Variants in RTN4RL1 observed in about 807,000 individuals in gnomAD.
The protein encoded by RTN4RL1 is reticulon-4 receptor-like 1.
In RTN4RL1, 7 loss-of-function variants were observed where a neutral mutation model predicts 25.6. The ratio of observed to expected loss-of-function variants is 0.27; its 90% CI spans 0.16 to 0.51. The LOEUF is 0.51. Among genes scored for constraint, RTN4RL1 ranks in the 20% least tolerant of loss-of-function variants. The pLI, the probability that RTN4RL1 is intolerant of heterozygous loss-of-function variation, is 0.97. For missense variants in RTN4RL1, 500 were observed against 615.6 expected (o/e 0.81, Z 1.99); for synonymous variants, 297 against 288.2 (o/e 1.03, Z -0.31).
intron 1 of RTN4RL1, among the ~76,000 whole-genome samples, chr17:2,009,025 G>A (rs970307751): frequency 6.6e-6 from 1 of 152,176 alleles, no homozygotes; most frequent in Non-Finnish European, 1.5e-5. Context: ...TTCAGGAAAT[G>A]ACTACAAGGC....
At chr17:2,004,689 A>C (rs2066981855) in intron 1 of RTN4RL1, among the ~76,000 whole-genome samples, 2 of 152,242 alleles carry the variant, frequency 1.3e-5, no homozygotes, top group Non-Finnish European at 2.9e-5. Flanking sequence ...GAGAGGGCAG[A>C]GGGTTCAGGA....
chr17:1,991,247 T>C (rs1479015544), intron 1 of RTN4RL1, among the ~76,000 whole-genome samples: 1 of 151,854 alleles, frequency 6.6e-6, no homozygotes, highest in Non-Finnish European at 1.5e-5. Context: ...GAGGCGGTAA[T>C]GGATGCCCCG....
chr17:1,973,118 T>G (rs1173499304), intron 1 of RTN4RL1, among the ~76,000 whole-genome samples: 1 of 152,110 alleles, frequency 6.6e-6, no homozygotes, highest in Non-Finnish European at 1.5e-5. Context: ...ATCCCAGCAC[T>G]TTGGGACGCT....
chr17:2,024,906 A>T lies in RTN4RL1; in HGVS notation c.-41T>A. On this transcript the variant is annotated 5_prime_UTR_variant, in exon 1 of 2. Coordinates refer to ENST00000331238, the MANE Select transcript of RTN4RL1 (RefSeq NM_178568.4). ...GCCGCTCCGAGGTCGGCCTAGGCGCACTCCCTCCCGGGGTCCAGATTCAAA... is the reference window on the plus strand; with the variant it reads ...GCCGCTCCGAGGTCGGCCTAGGCGCTCTCCCTCCCGGGGTCCAGATTCAAA... 6.4e-7 allele frequency: 1 copy of T among 1,569,520 alleles called. No individual in the cohort carries two copies. Among genetic ancestry groups the T allele is most frequent in the Non-Finnish European group, 8.6e-7 (1 of 1,158,264 alleles).
At chr17:1,948,988 G>T (rs188179646) in intron 1 of RTN4RL1, among the ~76,000 whole-genome samples, 1 of 146,404 alleles carries the variant, frequency 6.8e-6, no homozygotes, top group Non-Finnish European at 1.5e-5. Context: ...ACGGAGTCTC[G>T]CTCTGTCGCC....
At position 1,936,264 on chromosome 17, in the gene RTN4RL1, C is replaced by T; in HGVS notation, c.*232G>A. Reference sequence around the variant, plus strand: ...AGAGTGGACACTGTCCGTGGGCGCTCTGCGGGGCTGGCTGGGACAGCCGGC... The same window carrying T: ...AGAGTGGACACTGTCCGTGGGCGCTTTGCGGGGCTGGCTGGGACAGCCGGC... On this transcript the variant is annotated 3_prime_UTR_variant, in exon 2 of 2. Coordinates refer to ENST00000331238, the MANE Select transcript of RTN4RL1 (RefSeq NM_178568.4). 8 of 1,370,566 alleles carry T rather than the reference C, an allele frequency of 5.8e-6. No homozygotes were observed. Among genetic ancestry groups the T allele is most frequent in the South Asian group, 3.5e-5 (2 of 56,604 alleles). The allele number at this position is 1,370,566 out of a possible 1,614,324, so 84.9% of individuals were successfully genotyped here. A position where few individuals can be genotyped will look rare whatever the true frequency, so the allele number is the denominator to read the frequency against.
intron 1 of RTN4RL1, among the ~76,000 whole-genome samples, chr17:1,993,022 C>T (rs1597231338): frequency 1.3e-5 from 2 of 152,076 alleles, no homozygotes; most frequent in East Asian, 1.9e-4. Flanking sequence ...GCAGGTGGAT[C>T]GCCTGAGGTC....
chr17:1,942,681 A>G (rs1915463711), intron 1 of RTN4RL1, among the ~76,000 whole-genome samples: 1 of 152,110 alleles, frequency 6.6e-6, no homozygotes, highest in South Asian at 2.1e-4. Context: ...CCTTTCTGCA[A>G]ATCCCCAAGT....
intron 1 of RTN4RL1, among the ~76,000 whole-genome samples, chr17:1,951,450 T>G (rs1915677186): frequency 6.6e-6 from 1 of 150,460 alleles, no homozygotes; most frequent in South Asian, 2.1e-4. Context: ...TTTGTTGTTT[T>G]TTTGTTTGTT....
At chr17:1,982,338 CGAGGTGCCT>C (rs2066870751) in intron 1 of RTN4RL1, among the ~76,000 whole-genome samples, 1 of 151,386 alleles carries the variant, frequency 6.6e-6, no homozygotes, top group African/African-American at 2.4e-5. Flanking sequence ...GGAAGCCGGG[CGAGGTGCCT>C]CGCGCCTGTA....
chr17:1,948,620 C>T (rs566539327), intron 1 of RTN4RL1, among the ~76,000 whole-genome samples: 10 of 152,178 alleles, frequency 6.6e-5, no homozygotes, highest in South Asian at 2.1e-4. Context: ...GACGGGCGGA[C>T]GGGCGGATGG....
chr17:1,991,024 T>C (rs775717954), intron 1 of RTN4RL1, among the ~76,000 whole-genome samples: 1 of 152,138 alleles, frequency 6.6e-6, no homozygotes, highest in African/African-American at 2.4e-5. Context: ...CACCAACCCA[T>C]GTGCAATTTG....
chr17:1,991,053 A>G (rs2066906311), intron 1 of RTN4RL1, among the ~76,000 whole-genome samples: 1 of 152,164 alleles, frequency 6.6e-6, no homozygotes, highest in Non-Finnish European at 1.5e-5. Flanking sequence ...ACCTTGGCCA[A>G]TTAGTACCTT....
chr17:1,939,320 T>C (rs1032835299), intron 1 of RTN4RL1, among the ~76,000 whole-genome samples: 5 of 151,842 alleles, frequency 3.3e-5, no homozygotes, highest in Non-Finnish European at 5.9e-5. Context: ...GCCACTGCAC[T>C]CCAGCCTGGG....
At chr17:1,942,823 A>T (rs561134501) in intron 1 of RTN4RL1, among the ~76,000 whole-genome samples, 24 of 152,102 alleles carry the variant, frequency 1.6e-4, no homozygotes, top group African/African-American at 5.8e-4. Context: ...ACCTGCCAGG[A>T]TGGTGGGAAG....
chr17:1,962,671 C>T (rs933321395), intron 1 of RTN4RL1, among the ~76,000 whole-genome samples: 10 of 151,862 alleles, frequency 6.6e-5, no homozygotes, highest in African/African-American at 1.9e-4. Context: ...TCGAGATCAG[C>T]CCGGCCAACA....
chr17:1,979,014 T>C (rs2066855446), intron 1 of RTN4RL1, among the ~76,000 whole-genome samples: 1 of 152,278 alleles, frequency 6.6e-6, no homozygotes, highest in African/African-American at 2.4e-5. Flanking sequence ...GGCCAACGCC[T>C]GTAATCCCAG....
chr17:1,936,798 G>A lies in RTN4RL1; in HGVS notation c.1024C>T (p.Pro342Ser), dbSNP rs760221532. Residue 342 changes from proline (P) to serine (S), a missense_variant, in exon 2 of 2, where the codon CCG becomes TCG. Pro to Ser is a moderately conservative substitution (Grantham distance 74). Transcript: ENST00000331238. ...PHGPTRSKGH[P>S]HGPRPGHRKP... The stretch of plus-strand genomic sequence containing the variant: ...CTGTGGCCGGGCCGGGGGCCGTGCG[G>A]GTGGCCCTTGCTCCTGGTGGGGCCG... The A allele has an allele frequency of 6.3e-7, 1 of 1,585,514 alleles. No homozygotes were observed.
intron 1 of RTN4RL1, among the ~76,000 whole-genome samples, chr17:2,017,411 C>T (rs536832702): frequency 1.3e-5 from 2 of 152,338 alleles, no homozygotes; most frequent in East Asian, 1.9e-4. Context: ...CGTGCCCACC[C>T]ACCCCCTGTG....
Sources: gnomAD v4.1 joint callset for allele counts (sites outside exome capture counted in the v4.1 genomes callset) on GRCh38, gnomAD v4.1.1 for gene constraint, MANE v1.5 for transcripts, NCBI Gene and HGNC (gene_info 2026-07-23, HGNC 2026-07-21) for gene names.